RGS8: variants seen among roughly 807,000 people sequenced by gnomAD.
The protein encoded by RGS8 is regulator of G-protein signaling 8.
In RGS8, 8 loss-of-function variants were observed where a neutral mutation model predicts 21.7. The observed-to-expected ratio is 0.37, with a 90% CI of 0.22 to 0.66. RGS8 has a LOEUF of 0.66. Ranked by LOEUF, RGS8 falls within the 30% of genes least tolerant of loss-of-function variation. RGS8 has a pLI of 0.59. For missense variants in RGS8, 157 were observed against 217.9 expected (o/e 0.72, Z 1.76); for synonymous variants, 80 against 83.6 (o/e 0.96, Z 0.24).
intron 6 of RGS8, among the ~76,000 whole-genome samples, 189 bp from the exon 8 acceptor site, chr1:182,647,106 G>A (rs569148580): frequency 2.5e-4 from 38 of 152,330 alleles, no homozygotes; most frequent in African/African-American, 8.4e-4. Flanking sequence ...CTGAAGACCA[G>A]ATATTCTCAG....
At chr1:182,646,714 C>A (rs867632978) in exon 7 of RGS8, 4 of 1,595,388 alleles carry the variant, frequency 2.5e-6, no homozygotes, top group Non-Finnish European at 3.4e-6. Flanking sequence ...CCGGTGATTT[C>A]CAGGAGTTCC....
the RGS8 span, among the ~76,000 whole-genome samples, chr1:182,708,066 T>A: frequency 6.6e-6 from 1 of 152,074 alleles, no homozygotes; most frequent in Non-Finnish European, 1.5e-5. Context: ...ATTGTATAGA[T>A]GATAAAACTA....
At chr1:182,652,468 T>C (rs1663067015) in intron 5 of RGS8, among the ~76,000 whole-genome samples, 1 of 152,210 alleles carries the variant, frequency 6.6e-6, no homozygotes, top group Non-Finnish European at 1.5e-5. Context: ...ATCTTACAGA[T>C]GAGGAAACCA....
At chr1:182,732,615 T>C in the RGS8 span, among the ~76,000 whole-genome samples, 1 of 152,154 alleles carries the variant, frequency 6.6e-6, no homozygotes, top group East Asian at 1.9e-4. Context: ...TCAGACCTAC[T>C]TGAGGGGCAG....
At chr1:182,720,937 A>ATACATATGTGTG in the RGS8 span, among the ~76,000 whole-genome samples, 5 of 72,254 alleles carry the variant, frequency 6.9e-5, no homozygotes, top group East Asian at 1.9e-3. Flanking sequence ...ACATATATAC[A>ATACATATGTGTG]TATATATACA....
chr1:182,680,622 GTTCA>G (rs71297858), intron 1 of RGS8, among the ~76,000 whole-genome samples: 3 of 150,858 alleles, frequency 2.0e-5, no homozygotes, highest in Non-Finnish European at 3.0e-5. Flanking sequence ...GAAAGCATGG[GTTCA>G]TTCATTCATT....
chr1:182,667,663 T>C (rs1272428527), intron 3 of RGS8, among the ~76,000 whole-genome samples: 1 of 152,236 alleles, frequency 6.6e-6, no homozygotes, highest in East Asian at 1.9e-4. Context: ...TCAATAAGCA[T>C]AATTAAATTT....
In RGS8 at chr1:182,661,808, TCACACA is replaced by T. The variant is rs71127312; in HGVS notation, c.193+4155_193+4160del. On this transcript the variant is annotated intron_variant, in intron 5 of 6. Coordinates refer to ENST00000483095, the Ensembl canonical transcript of RGS8. Reference sequence around the variant, plus strand: ...GAAAGTCTCCTGAGTGTACACACATTCACACACACACACACACACACACACACACAC... The same window carrying T: ...GAAAGTCTCCTGAGTGTACACACATTCACACACACACACACACACACACAC... Among the ~76,000 whole-genome samples the T allele has an allele frequency of 9.9e-3, 1,305 of 132,440 alleles. 19 individuals carry two copies. Among genetic ancestry groups the T allele is most frequent in the African/African-American group, 0.031 (1,173 of 37,676 alleles). 86.9% of individuals were successfully genotyped at this position (132,440 alleles called of 152,430 possible).
chr1:182,732,214 C>G, the RGS8 span, among the ~76,000 whole-genome samples: 1 of 151,694 alleles, frequency 6.6e-6, no homozygotes, highest in Non-Finnish European at 1.5e-5. Flanking sequence ...GTCAGCAGAA[C>G]AAGCGCTCTC....
chr1:182,711,409 G>A, the RGS8 span, among the ~76,000 whole-genome samples: 3 of 152,124 alleles, frequency 2.0e-5, no homozygotes, highest in African/African-American at 7.2e-5. Context: ...AATGACACAG[G>A]TCCCACCTCG....
chr1:182,650,069 G>T (rs919283266), intron 5 of RGS8, among the ~76,000 whole-genome samples: 2 of 150,136 alleles, frequency 1.3e-5, no homozygotes, highest in East Asian at 3.9e-4. Context: ...GCGCCACTAC[G>T]CCTCGCTAAT....
At chr1:182,708,993 C>T in the RGS8 span, among the ~76,000 whole-genome samples, 1 of 152,198 alleles carries the variant, frequency 6.6e-6, no homozygotes, top group East Asian at 1.9e-4. Flanking sequence ...GGAACAGCAG[C>T]CTGACGAAAG....
the RGS8 span, among the ~76,000 whole-genome samples, chr1:182,726,164 T>G: frequency 1.3e-5 from 2 of 150,642 alleles, no homozygotes; most frequent in African/African-American, 2.4e-5. Flanking sequence ...ATTTCATTTG[T>G]GCCTATGTGA....
At chr1:182,733,610 G>C in the RGS8 span, among the ~76,000 whole-genome samples, 1 of 152,184 alleles carries the variant, frequency 6.6e-6, no homozygotes, top group African/African-American at 2.4e-5. Context: ...TGGAACACCA[G>C]GGGGTGGGGA....
the RGS8 span, among the ~76,000 whole-genome samples, chr1:182,693,065 A>G: frequency 6.6e-6 from 1 of 152,216 alleles, no homozygotes. Flanking sequence ...GGCATTGGCC[A>G]AGGCAAATAC....
chr1:182,705,386 T>C, the RGS8 span, among the ~76,000 whole-genome samples: 1 of 152,166 alleles, frequency 6.6e-6, no homozygotes, highest in Non-Finnish European at 1.5e-5. Context: ...TCCACCAACA[T>C]GGGAGAGAGA....
chr1:182,719,292 A>T, the RGS8 span, among the ~76,000 whole-genome samples: 5 of 152,192 alleles, frequency 3.3e-5, no homozygotes, highest in African/African-American at 4.8e-5. Context: ...AGGAGAAAAA[A>T]AGTTAGACTC....
At chr1:182,665,112 A>G (rs1278755926) in intron 5 of RGS8, among the ~76,000 whole-genome samples, 1 of 152,238 alleles carries the variant, frequency 6.6e-6, no homozygotes, top group Admixed American at 6.5e-5. Context: ...TTCCCAGATC[A>G]GTTAGGGCTT....
the RGS8 span, among the ~76,000 whole-genome samples, chr1:182,690,746 A>C: frequency 2.0e-5 from 3 of 152,300 alleles, no homozygotes; most frequent in South Asian, 2.1e-4. Context: ...AGATTGTTGA[A>C]GTGATGGCCC....
Sources: gnomAD v4.1 joint callset for allele counts (sites outside exome capture counted in the v4.1 genomes callset) on GRCh38, gnomAD v4.1.1 for gene constraint, MANE v1.5 for transcripts, NCBI Gene and HGNC (gene_info 2026-07-23, HGNC 2026-07-21) for gene names.